The following FLYWCH1 variants were observed in gnomAD, a reference collection of about 807,000 sequenced individuals.
FLYWCH1 encodes the protein FLYWCH-type zinc finger-containing protein 1.
A neutral mutation model predicts 66.4 loss-of-function variants in FLYWCH1; 75 were observed. The observed-to-expected ratio is 1.13, with a 90% CI of 0.94 to 1.37. The LOEUF is 1.37. Ranked by LOEUF, FLYWCH1 falls within the 40% of genes most tolerant of loss-of-function variation. The probability of loss-of-function intolerance (pLI) is 0.00; values close to 1 mark genes in which losing one functional copy is unlikely to be tolerated. For missense variants in FLYWCH1, 1,334 were observed against 1,001.8 expected, an observed-to-expected ratio of 1.33 and a Z score of -4.48; for synonymous variants, 595 against 429.9, an observed-to-expected ratio of 1.38 and a Z score of -4.75.
At chr16:2,948,597 A>T in intron 9 of FLYWCH1, 91 bp from the exon 10 acceptor site, 1 of 1,343,566 alleles carries the variant, frequency 7.4e-7, no homozygotes, top group South Asian at 1.2e-5. Context: ...CATCCCCAGG[A>T]AAAAGGATTC....
intron 6 of FLYWCH1, 167 bp from the exon 7 acceptor site, chr16:2,936,925 CAGCCTCAGGAGGCGGACCCCAGCAGCTGG>C (rs1201729425): frequency 6.8e-6 from 5 of 739,086 alleles, no homozygotes; most frequent in Non-Finnish European, 8.9e-6. Flanking sequence ...GACCAGTCCC[CAGCCTCAGGAGGCGGACCCCAGCAGCTGG>C]AGCCCCAGCA....
intron 4 of FLYWCH1, among the ~76,000 whole-genome samples, chr16:2,931,801 C>G (rs1332803528): frequency 6.6e-6 from 1 of 151,886 alleles, no homozygotes; most frequent in Non-Finnish European, 1.5e-5. Flanking sequence ...AACCCTGTCT[C>G]TACTAAAGAT....
intron 6 of FLYWCH1, chr16:2,934,968 G>A (rs4786354): frequency 0.18 from 30,101 of 170,306 alleles, 3,268 homozygotes; most frequent in Admixed American, 0.26. Flanking sequence ...TTATCACCCA[G>A]GCTGGTGTGC....
chr16:2,946,316 C>CTTTT lies in FLYWCH1; in HGVS notation c.2112-2352_2112-2349dup, dbSNP rs58279573. ...TCATGCCCTGTATAGGTGGGCTGTA[C>CTTTT]TTTTTTTTTTTTTTTTTTTTTTTGA... On this transcript the variant is annotated intron_variant, in intron 9 of 9. Coordinates refer to ENST00000253928, the MANE Select transcript of FLYWCH1 (RefSeq NM_001308068.2). Among the ~76,000 whole-genome samples the CTTTT allele has an allele frequency of 1.3e-3, 101 of 75,540 alleles. 3 individuals are homozygous for CTTTT. Among genetic ancestry groups the CTTTT allele is most frequent in the African/African-American group, 2.6e-3 (45 of 17,458 alleles). The allele number at this position is 75,540 out of a possible 152,430, so 49.6% of individuals were successfully genotyped here. A position where few individuals can be genotyped will look rare whatever the true frequency, so the allele number is the denominator to read the frequency against.
chr16:2,932,080 C>G (rs956969632), intron 4 of FLYWCH1, among the ~76,000 whole-genome samples: 2 of 144,030 alleles, frequency 1.4e-5, no homozygotes, highest in East Asian at 2.0e-4. Flanking sequence ...ATCGTGCCAC[C>G]GCACTCCAGC....
At chr16:2,935,914 C>CTTTTT (rs531179302) in intron 6 of FLYWCH1, 1 of 143,542 alleles carries the variant, frequency 7.0e-6, no homozygotes, top group African/African-American at 2.6e-5. Context: ...ATGAGGGCGT[C>CTTTTT]TTTTTTTTTT....
Position 2,940,122 on chromosome 16 carries a change from G to T in FLYWCH1, c.2111+30G>T. ...TTGTATTTGTTATCTAATGGTGCAT[G>T]ACCAATTACAACAAAACGTAGTGGG... On this transcript the variant is annotated intron_variant, in intron 9 of 9. Transcript: ENST00000253928. 4.9e-6 allele frequency: 5 copies of T among 1,014,452 alleles called. No homozygotes were observed. The South Asian group carries it at 6.6e-5, about 13-fold the overall frequency. The allele number at this position is 1,014,452 out of a possible 1,614,324, so 62.8% of individuals were successfully genotyped here.
At chr16:2,934,260 G>A (rs1277740037) in intron 6 of FLYWCH1, among the ~76,000 whole-genome samples, 1 of 152,102 alleles carries the variant, frequency 6.6e-6, no homozygotes, top group Non-Finnish European at 1.5e-5. Context: ...TCCTCCGTTT[G>A]TCTTAAGAGT....
intron 9 of FLYWCH1, among the ~76,000 whole-genome samples, 183 bp from the exon 10 acceptor site, chr16:2,948,505 G>A (rs2071577505): frequency 6.6e-6 from 1 of 152,156 alleles, no homozygotes; most frequent in Non-Finnish European, 1.5e-5. Flanking sequence ...GGGGGGTGCA[G>A]TGAGCCGAGA....
At chr16:2,914,887 C>G (rs1026037781) in intron 2 of FLYWCH1, among the ~76,000 whole-genome samples, 1 of 133,752 alleles carries the variant, frequency 7.5e-6, no homozygotes, top group Non-Finnish European at 1.5e-5. Flanking sequence ...CCAGCCTGGG[C>G]GACAGAGTGA....
chr16:2,933,425 G>T lies in FLYWCH1; in HGVS notation c.1092G>T (p.Thr364=), dbSNP rs116358574. The change falls in exon 5 of 10, where the codon ACG becomes ACT. Residue 364 remains threonine, a synonymous_variant. Coordinates refer to ENST00000253928, the MANE Select transcript of FLYWCH1 (RefSeq NM_001308068.2). ...GQDGPGSQVD[T]LLRGVDSLLY... ...ACGGCCCTGGGAGCCAAGTGGACAC[G>T]CTGCTCCGAGGCGTGGATAGTTTGC... 6.2e-7 allele frequency: 1 copy of T among 1,600,906 alleles called. No homozygotes were observed.
Position 2,933,174 on chromosome 16 carries a change from A to C in FLYWCH1, c.841A>C (p.Ser281Arg). 7 of 1,613,700 alleles carry C rather than the reference A, an allele frequency of 4.3e-6. No individual in the cohort carries two copies. Among genetic ancestry groups the C allele is most frequent in the Non-Finnish European group, 5.9e-6 (7 of 1,179,838 alleles). The change falls in exon 5 of 10, where the codon AGC (serine) becomes CGC (arginine). Residue 281 changes from serine to arginine, a missense_variant. Transcript: ENST00000253928. ...GTTCCTGAGGACGTGCTACGGGGGC[A>C]GCTTCCTGGTACACGAGTCGTTCCT... is the stretch of plus-strand genomic sequence containing the variant. ...LEFLRTCYGG[S>R]FLVHESFLYK...
chr16:2,932,469 G>A (rs1432699784), intron 4 of FLYWCH1, among the ~76,000 whole-genome samples: 1 of 151,946 alleles, frequency 6.6e-6, no homozygotes, highest in Non-Finnish European at 1.5e-5. Context: ...TTGGGGCTTG[G>A]CAAGTGGCAG....
chr16:2,928,665 T>A (rs1368024959), intron 2 of FLYWCH1, among the ~76,000 whole-genome samples: 2 of 152,114 alleles, frequency 1.3e-5, no homozygotes, highest in Non-Finnish European at 2.9e-5. Context: ...GAGTTTCTTA[T>A]GTCTTCCTTT....
chr16:2,918,744 A>C (rs1171678436), intron 2 of FLYWCH1, among the ~76,000 whole-genome samples: 1 of 151,758 alleles, frequency 6.6e-6, no homozygotes, highest in African/African-American at 2.4e-5. Flanking sequence ...CCTGGCCTTA[A>C]ATGTTTTTAA....
At chr16:2,919,288 C>T (rs550223816) in intron 2 of FLYWCH1, among the ~76,000 whole-genome samples, 4 of 146,924 alleles carry the variant, frequency 2.7e-5, no homozygotes, top group African/African-American at 5.1e-5. Flanking sequence ...TTTTTTGAGA[C>T]GGAGTCTTGC....
In FLYWCH1 at chr16:2,933,714, A is replaced by C; in HGVS notation, c.1250-2A>C. 6.2e-7 allele frequency: 1 copy of C among 1,611,238 alleles called. No individual in the cohort carries two copies. The highest frequency in any genetic ancestry group is 8.5e-7 in the Non-Finnish European group (1 of 1,178,590). ...CCCTGACTGCCTCTTGAACCTCCCC[A>C]GGAGGCCCTGAGTTCCTGAAGACGC... On this transcript the variant is annotated splice_acceptor_variant, in intron 5 of 9. Coordinates refer to ENST00000253928, the MANE Select transcript of FLYWCH1 (RefSeq NM_001308068.2). LOFTEE classifies it high-confidence loss of function.
At chr16:2,922,051 A>G (rs2070392576) in intron 2 of FLYWCH1, among the ~76,000 whole-genome samples, 1 of 152,230 alleles carries the variant, frequency 6.6e-6, no homozygotes. Context: ...CAACTGGGTG[A>G]CAGAGTTAAA....
At chr16:2,913,817 T>G (rs2070071821) in intron 1 of FLYWCH1, among the ~76,000 whole-genome samples, 1 of 151,990 alleles carries the variant, frequency 6.6e-6, no homozygotes, top group Non-Finnish European at 1.5e-5. Flanking sequence ...CAGTTGCGGG[T>G]AGGTGGGAGG....
Sources: gnomAD v4.1 joint callset for allele counts (sites outside exome capture counted in the v4.1 genomes callset) on GRCh38, gnomAD v4.1.1 for gene constraint, MANE v1.5 for transcripts, NCBI Gene and HGNC (gene_info 2026-07-23, HGNC 2026-07-21) for gene names.